UBE2F: variants seen among roughly 807,000 people sequenced by gnomAD.
The protein encoded by UBE2F is NEDD8-conjugating enzyme UBE2F.
A neutral mutation model predicts 29.6 loss-of-function variants in UBE2F; 5 were observed. That is an observed-to-expected ratio of 0.17 (90% CI 0.09 to 0.36). The LOEUF (loss-of-function observed/expected upper bound fraction) is 0.36. UBE2F is among the 10% of genes least tolerant of loss of function. The probability of loss-of-function intolerance (pLI) is 1.00; values close to 1 mark genes in which losing one functional copy is unlikely to be tolerated. For missense variants in UBE2F, 141 were observed against 228.5 expected (o/e 0.62, Z 2.47); for synonymous variants, 66 against 81.8 (o/e 0.81, Z 1.04).
rs1477504193 is a variant in UBE2F at position 238,023,159 on chromosome 2, G to A, written c.283-2183G>A. ...ACAAAAACTGAGAGTTGGTGACTTGGCCTAGCACTAGCCTGCCACCATCCA... is the reference window on the plus strand; with the variant it reads ...ACAAAAACTGAGAGTTGGTGACTTGACCTAGCACTAGCCTGCCACCATCCA... On this transcript the variant is annotated intron_variant, in intron 5 of 9. Coordinates refer to ENST00000272930, the MANE Select transcript of UBE2F (RefSeq NM_080678.3). 3.9e-5 allele frequency among the ~76,000 whole-genome samples: 6 copies of A among 152,178 alleles called. No homozygotes were observed. In the East Asian group the frequency reaches 1.2e-3, roughly 29 times the overall value.
intron 5 of UBE2F, among the ~76,000 whole-genome samples, chr2:238,018,605 C>T (rs2106386645): frequency 6.6e-6 from 1 of 152,188 alleles, no homozygotes; most frequent in African/African-American, 2.4e-5. Context: ...TTGCTCTGTT[C>T]CCCAGCCTGG....
chr2:237,982,192 C>A lies in UBE2F; in HGVS notation c.119-5771C>A, dbSNP rs2063392980. Among the ~76,000 whole-genome samples the A allele has an allele frequency of 6.6e-6, 1 of 152,212 alleles. No homozygotes were observed. The highest frequency in any genetic ancestry group is 2.1e-4 in the South Asian group (1 of 4,834). On this transcript the variant is annotated intron_variant, in intron 2 of 9. Coordinates refer to ENST00000272930, the MANE Select transcript of UBE2F (RefSeq NM_080678.3). This position sits in a 1 kb window ranked among gnomAD's most constrained non-coding sequence, Gnocchi z 4.1. ...CGAATGTGCAGCCAGGGCTTCCATT[C>A]CTTTCTTTATCAGGTGTTGTCTGGC...
rs556103595 is a variant in UBE2F at position 237,977,658 on chromosome 2, G to A, written c.118+4433G>A. Among the ~76,000 whole-genome samples, 8 of 152,152 alleles carry A rather than the reference G, an allele frequency of 5.3e-5. No homozygotes were observed. In the East Asian group the frequency reaches 1.5e-3, roughly 29 times the overall value. ...GAGTTATGGCGGAAGTGGTGCTGTG[G>A]AGGCTGCTGTGGCTGTTGGAGGGCA... On this transcript the variant is annotated intron_variant, in intron 2 of 9. Transcript: ENST00000272930.
chr2:238,004,369 C>T (rs773075092), intron 4 of UBE2F, among the ~76,000 whole-genome samples: 10 of 151,758 alleles, frequency 6.6e-5, no homozygotes, highest in Non-Finnish European at 1.3e-4. Flanking sequence ...TTTGGAGATG[C>T]GTCTGCTCAA....
intron 5 of UBE2F, among the ~76,000 whole-genome samples, chr2:238,017,974 G>T (rs938877397): frequency 3.9e-5 from 6 of 152,218 alleles, no homozygotes; most frequent in Admixed American, 2.6e-4. Context: ...CTTTTTACCG[G>T]ACTACTCCAT....
At chr2:237,972,993 G>GA (rs2063206818) in intron 1 of UBE2F, 99 bp from the exon 2 acceptor site, 1 of 1,373,356 alleles carries the variant, frequency 7.3e-7, no homozygotes, top group Non-Finnish European at 9.7e-7. Context: ...TAAATTGTGG[G>GA]AAAAAATCAA....
At chr2:238,033,471 G>A (rs74710681) in intron 8 of UBE2F, among the ~76,000 whole-genome samples, 2,107 of 152,234 alleles carry the variant, frequency 0.014, 41 homozygotes, top group African/African-American at 0.048. Flanking sequence ...AGGCCAGTGG[G>A]CTGTTTTATG....
At chr2:238,037,414 C>G (rs1452683349) in intron 9 of UBE2F, among the ~76,000 whole-genome samples, 1 of 152,224 alleles carries the variant, frequency 6.6e-6, no homozygotes, top group Non-Finnish European at 1.5e-5. Context: ...ATGACTTTAC[C>G]ATTGGCCCAG....
intron 3 of UBE2F, among the ~76,000 whole-genome samples, chr2:237,991,605 C>CTTTA (rs1559207747): frequency 1.2e-4 from 3 of 25,046 alleles, no homozygotes; most frequent in East Asian, 4.8e-3. Context: ...TCTTTTCTTT[C>CTTTA]TTTCTTTTTT....
intron 4 of UBE2F, among the ~76,000 whole-genome samples, chr2:238,014,681 G>GT (rs1482569006): frequency 6.6e-6 from 1 of 152,210 alleles, no homozygotes; most frequent in Non-Finnish European, 1.5e-5. Context: ...CAAAAGCTGT[G>GT]TAACAGTTCA....
At chr2:238,012,058 T>C (rs76679048) in intron 4 of UBE2F, among the ~76,000 whole-genome samples, 3,709 of 150,430 alleles carry the variant, frequency 0.025, 155 homozygotes, top group African/African-American at 0.086. Flanking sequence ...TTTTTTTTTT[T>C]TTTTCTGTGG....
Position 237,976,301 on chromosome 2 carries a change from A to G in UBE2F, c.118+3076A>G, listed in dbSNP as rs114615836. ...AGGAGTTGCAGCAAGGAGGGCCTGG[A>G]TGTCAGCTGAGGAGGAGTGGGTAGA... On this transcript the variant is annotated intron_variant, in intron 2 of 9. Transcript: ENST00000272930. Among the ~76,000 whole-genome samples the G allele has an allele frequency of 5.2e-3, 794 of 152,312 alleles. 2 individuals carry two copies. The highest frequency in any genetic ancestry group is 8.8e-3 in the Non-Finnish European group (600 of 68,022).
chr2:237,970,413 G>A (rs1242979876), intron 1 of UBE2F, among the ~76,000 whole-genome samples: 3 of 152,210 alleles, frequency 2.0e-5, no homozygotes, highest in Admixed American at 6.5e-5. Flanking sequence ...CCACAAGAGG[G>A]AAACTAGTGT....
At chr2:238,013,243 A>G (rs555642689) in intron 4 of UBE2F, among the ~76,000 whole-genome samples, 2 of 152,300 alleles carry the variant, frequency 1.3e-5, no homozygotes, top group East Asian at 3.9e-4. Flanking sequence ...GAGCAATTGA[A>G]TGAGACTCTG....
chr2:238,026,264 T>C (rs1024628988), intron 6 of UBE2F, among the ~76,000 whole-genome samples: 3 of 152,240 alleles, frequency 2.0e-5, no homozygotes, highest in Non-Finnish European at 4.4e-5. Context: ...CAAAGTGTTT[T>C]CTTAGCACAT....
At chr2:238,035,963 C>A in intron 9 of UBE2F, 23 bp downstream of exon 9, 3 of 1,605,740 alleles carry the variant, frequency 1.9e-6, no homozygotes, top group Non-Finnish European at 2.6e-6. Context: ...CAGGCTTATT[C>A]TAGGTTGATG....
At chr2:237,999,217 G>T (rs990143023) in intron 4 of UBE2F, among the ~76,000 whole-genome samples, 11 of 151,840 alleles carry the variant, frequency 7.2e-5, no homozygotes, top group South Asian at 2.1e-4. Flanking sequence ...TTTACTTAAC[G>T]TAATGTTTTT....
chr2:238,009,110 C>G (rs2063964078), intron 4 of UBE2F, among the ~76,000 whole-genome samples: 1 of 152,222 alleles, frequency 6.6e-6, no homozygotes, highest in Admixed American at 6.5e-5. Flanking sequence ...ATTCTTTGTT[C>G]CACTTTATGC....
At chr2:238,022,863 C>T (rs2064329406) in intron 5 of UBE2F, among the ~76,000 whole-genome samples, 1 of 152,140 alleles carries the variant, frequency 6.6e-6, no homozygotes, top group African/African-American at 2.4e-5. Context: ...GGCTACAGGC[C>T]TAATTCAGTT....
Sources: gnomAD v4.1 joint callset for allele counts (sites outside exome capture counted in the v4.1 genomes callset) on GRCh38, gnomAD v4.1.1 for gene constraint, Gnocchi (gnomAD v3.1) non-coding constraint, MANE v1.5 for transcripts, NCBI Gene and HGNC (gene_info 2026-07-23, HGNC 2026-07-21) for gene names.